Variants in PIGU observed in about 807,000 individuals in gnomAD.
The protein encoded by PIGU is phosphatidylinositol glycan anchor biosynthesis class U.
PIGU carries 24 observed loss-of-function variants against 49.9 expected under a neutral mutation model. The observed-to-expected ratio is 0.48, with a 90% confidence interval of 0.35 to 0.68. PIGU has a LOEUF of 0.68. PIGU is among the 30% of genes least tolerant of loss of function. PIGU has a pLI of 0.01. For synonymous variants in PIGU, 220 were observed against 205.7 expected (o/e 1.07, Z -0.59); for missense variants, 490 against 532.6 (o/e 0.92, Z 0.79).
intron 11 of PIGU, among the ~76,000 whole-genome samples, chr20:34,561,672 A>C (rs549964989): frequency 3.0e-4 from 46 of 152,144 alleles, no homozygotes; most frequent in African/African-American, 1.0e-3. Flanking sequence ...AAGGCTTCCC[A>C]AGCCTTAGGG....
chr20:34,659,914 C>T (rs979100749), intron 1 of PIGU, among the ~76,000 whole-genome samples: 10 of 151,896 alleles, frequency 6.6e-5, no homozygotes, highest in African/African-American at 2.2e-4. Context: ...ACAAACACTG[C>T]GGAAGGCTGC....
intron 5 of PIGU, 123 bp from the exon 6 acceptor site, chr20:34,634,838 G>T (rs1170695481): frequency 1.4e-6 from 2 of 1,429,330 alleles, no homozygotes; most frequent in East Asian, 5.6e-5. Context: ...TCTCAGAAAT[G>T]AGTTCCCCCA....
chr20:34,602,144 T>C (rs987191528), intron 7 of PIGU, among the ~76,000 whole-genome samples: 10 of 151,858 alleles, frequency 6.6e-5, no homozygotes, highest in Admixed American at 5.2e-4. Flanking sequence ...TAGCCAGGTG[T>C]GGTGGTAGGT....
intron 5 of PIGU, among the ~76,000 whole-genome samples, chr20:34,636,150 G>A (rs1324027972): frequency 2.6e-5 from 4 of 152,186 alleles, no homozygotes; most frequent in East Asian, 1.9e-4. Flanking sequence ...ACAGTGAGCC[G>A]TGACTGTACC....
chr20:34,638,596 T>C (rs1313729901), intron 4 of PIGU, among the ~76,000 whole-genome samples: 1 of 152,202 alleles, frequency 6.6e-6, no homozygotes, highest in Non-Finnish European at 1.5e-5. Context: ...ACTCCAAAGT[T>C]CCATCCATGA....
At chr20:34,561,019 T>C in intron 11 of PIGU, 40 bp from the exon 12 acceptor site, 7 of 1,403,354 alleles carry the variant, frequency 5.0e-6, no homozygotes, top group East Asian at 2.4e-5. Flanking sequence ...GCTGGGTACC[T>C]CCCCCTAAAC....
intron 4 of PIGU, among the ~76,000 whole-genome samples, chr20:34,643,061 T>C (rs907868184): frequency 6.6e-6 from 1 of 152,038 alleles, no homozygotes; most frequent in Non-Finnish European, 1.5e-5. Context: ...CTCAAGAGAA[T>C]CCTGTTAAAG....
chr20:34,635,530 A>G (rs935035747), intron 5 of PIGU, among the ~76,000 whole-genome samples: 4 of 152,226 alleles, frequency 2.6e-5, no homozygotes, highest in Non-Finnish European at 5.9e-5. Context: ...TAGTCATAAC[A>G]AATTGTTTGT....
chr20:34,639,594 A>C (rs1237595644), intron 4 of PIGU, among the ~76,000 whole-genome samples: 1 of 152,074 alleles, frequency 6.6e-6, no homozygotes, highest in Non-Finnish European at 1.5e-5. Context: ...TAGGTTCAAA[A>C]GTATGTACTA....
intron 1 of PIGU, among the ~76,000 whole-genome samples, chr20:34,667,479 A>G (rs1987138042): frequency 6.6e-6 from 1 of 152,200 alleles, no homozygotes; most frequent in Admixed American, 6.6e-5. Context: ...GCTTTTAAAA[A>G]AAAAAAGTGA....
chr20:34,574,058 AG>A (rs1983121579), intron 11 of PIGU, among the ~76,000 whole-genome samples: 1 of 152,242 alleles, frequency 6.6e-6, no homozygotes, highest in Admixed American at 6.5e-5. Flanking sequence ...CTTCCCATCC[AG>A]GCTATTACAC....
At position 34,655,381 on chromosome 20, in the gene PIGU, G is replaced by A. The variant is rs1031326447; in HGVS notation, c.195+1799C>T. On this transcript the variant is annotated intron_variant, in intron 2 of 11. Coordinates refer to ENST00000217446, the MANE Select transcript of PIGU (RefSeq NM_080476.5). ...TTAAAATGATATGGCCAATAAGAAC[G>A]GAAAGGGCAGTGGGACGCGGTGGCT... is the stretch of plus-strand genomic sequence containing the variant. 4.2e-5 allele frequency among the ~76,000 whole-genome samples: 5 copies of A among 118,712 alleles called. 1 individual carries two copies. The highest frequency in any genetic ancestry group is 1.6e-4 in the African/African-American group (5 of 32,172). 77.9% of individuals were successfully genotyped at this position (118,712 alleles called of 152,430 possible).
At chr20:34,645,431 A>C in intron 2 of PIGU, 97 bp from the exon 3 acceptor site, 1 of 1,374,662 alleles carries the variant, frequency 7.3e-7, no homozygotes, top group South Asian at 1.8e-5. Flanking sequence ...TTATGTCAGC[A>C]AACTATTATG....
At chr20:34,591,411 T>G (rs1983977800) in intron 7 of PIGU, among the ~76,000 whole-genome samples, 1 of 152,154 alleles carries the variant, frequency 6.6e-6, no homozygotes, top group Admixed American at 6.5e-5. Flanking sequence ...TCTCATAAGA[T>G]CTTACAAATC....
intron 7 of PIGU, among the ~76,000 whole-genome samples, chr20:34,589,649 CTTTTTTTTT>C (rs34119895): frequency 4.8e-4 from 26 of 53,702 alleles, no homozygotes; most frequent in South Asian, 2.7e-3. Context: ...CTGCACCTGG[CTTTTTTTTT>C]TTTTTTTTTT....
At chr20:34,639,389 A>G (rs902838307) in intron 4 of PIGU, among the ~76,000 whole-genome samples, 4 of 152,152 alleles carry the variant, frequency 2.6e-5, no homozygotes, top group Non-Finnish European at 5.9e-5. Context: ...CGACAGAGCA[A>G]GACTCCGTCT....
chr20:34,631,622 C>A, intron 6 of PIGU, among the ~76,000 whole-genome samples: 1 of 127,918 alleles, frequency 7.8e-6, no homozygotes, highest in African/African-American at 2.8e-5. Context: ...GGCGCGATCT[C>A]GACTCACTGC....
chr20:34,640,501 A>G (rs149730426), intron 4 of PIGU, among the ~76,000 whole-genome samples: 253 of 22,170 alleles, frequency 0.011, 1 homozygote, highest in Middle Eastern at 0.025. Context: ...GCGCACGCGC[A>G]CACACACACA....
In PIGU at chr20:34,581,537, G is replaced by T. The variant is rs767405192; in HGVS notation, c.1051+11C>A. On this transcript the variant is annotated intron_variant, in intron 10 of 11. Transcript: ENST00000217446. Reference sequence around the variant, plus strand: ...CTGACACAAATCTGTGGCAGAGGCGGGAGTACTCACATCTGTAGAGATGGT... The same window carrying T: ...CTGACACAAATCTGTGGCAGAGGCGTGAGTACTCACATCTGTAGAGATGGT... 1 of 1,610,358 alleles carries T rather than the reference G, an allele frequency of 6.2e-7. No homozygotes were observed. Among genetic ancestry groups the T allele is most frequent in the South Asian group, 1.1e-5 (1 of 90,796 alleles).
Sources: gnomAD v4.1 joint callset for allele counts (sites outside exome capture counted in the v4.1 genomes callset) on GRCh38, gnomAD v4.1.1 for gene constraint, MANE v1.5 for transcripts, NCBI Gene and HGNC (gene_info 2026-07-23, HGNC 2026-07-21) for gene names.